HPS3: variants seen among roughly 807,000 people sequenced by gnomAD.
The protein encoded by HPS3 is BLOC-2 complex member HPS3.
Under a neutral mutation model 110.9 loss-of-function variants are expected in HPS3, and 79 were observed. The ratio of observed to expected loss-of-function variants is 0.71; its 90% CI spans 0.59 to 0.86. The LOEUF is 0.86. Ranked by LOEUF, HPS3 falls within the 40% of genes least tolerant of loss-of-function variation. The probability of loss-of-function intolerance (pLI) is 0.00; values close to 1 mark genes in which losing one functional copy is unlikely to be tolerated. For synonymous variants in HPS3, 428 were observed against 451.0 expected (o/e 0.95, Z 0.65); for missense variants, 1,197 against 1,206.2 (o/e 0.99, Z 0.11).
At chr3:149,132,935 G>C (rs890130029) in intron 1 of HPS3, among the ~76,000 whole-genome samples, 4 of 152,208 alleles carry the variant, frequency 2.6e-5, no homozygotes, top group Non-Finnish European at 4.4e-5. Context: ...AGTGGAAATA[G>C]CAAGAAAGCT....
chr3:149,149,951 G>A (rs1722999634), intron 5 of HPS3, among the ~76,000 whole-genome samples: 1 of 152,044 alleles, frequency 6.6e-6, no homozygotes, highest in Non-Finnish European at 1.5e-5. Context: ...GAGTGTGAGG[G>A]GTCAGGAGAC....
intron 5 of HPS3, 35 bp downstream of exon 5, chr3:149,145,581 C>G: frequency 6.4e-7 from 1 of 1,550,960 alleles, no homozygotes; most frequent in Non-Finnish European, 8.9e-7. Context: ...GCCTGTGAGT[C>G]ACTTATTTGT....
chr3:149,156,052 AAAG>A (rs1723435867), intron 8 of HPS3, among the ~76,000 whole-genome samples: 1 of 152,140 alleles, frequency 6.6e-6, no homozygotes, highest in Non-Finnish European at 1.5e-5. Context: ...CTTTTTTAAA[AAAG>A]AAGAATATTC....
chr3:149,163,190 G>A (rs1049156812), intron 13 of HPS3, among the ~76,000 whole-genome samples: 1 of 152,202 alleles, frequency 6.6e-6, no homozygotes, highest in Non-Finnish European at 1.5e-5. Flanking sequence ...TTCCTCAGCA[G>A]AGGATCATTA....
chr3:149,148,054 G>A (rs1476894409), intron 5 of HPS3, among the ~76,000 whole-genome samples: 1 of 152,010 alleles, frequency 6.6e-6, no homozygotes, highest in Non-Finnish European at 1.5e-5. Context: ...TGTATTTTTA[G>A]TAGAGATGGG....
intron 1 of HPS3, among the ~76,000 whole-genome samples, chr3:149,137,502 C>G (rs1169316246): frequency 6.6e-6 from 1 of 152,152 alleles, no homozygotes; most frequent in Non-Finnish European, 1.5e-5. Flanking sequence ...AAAGCAGGGA[C>G]TTGAATGGAT....
chr3:149,129,894 C>G lies in HPS3; in HGVS notation c.171C>G (p.Ala57=). The G allele has an allele frequency of 1.3e-6, 2 of 1,582,234 alleles. No individual in the cohort carries two copies. Among genetic ancestry groups the G allele is most frequent in the Non-Finnish European group, 1.7e-6 (2 of 1,170,268 alleles). The change falls in exon 1 of 17, where the codon GCC becomes GCG. Residue 57 remains alanine (A), a synonymous_variant. Transcript: ENST00000296051. ...AGQELCQPRC[A]FSTLGRVLRL... Reference sequence around the variant, plus strand: ...AGGAGCTGTGCCAGCCGCGGTGCGCCTTCTCCACGCTGGGCCGGGTGTTGC... The same window carrying G: ...AGGAGCTGTGCCAGCCGCGGTGCGCGTTCTCCACGCTGGGCCGGGTGTTGC...
intron 11 of HPS3, among the ~76,000 whole-genome samples, chr3:149,161,862 C>T (rs1053216164): frequency 1.3e-5 from 2 of 152,046 alleles, no homozygotes; most frequent in Non-Finnish European, 2.9e-5. Flanking sequence ...GTGGAACCCA[C>T]GAATACAGAA....
At chr3:149,130,249 C>A in intron 1 of HPS3, 1 of 481,166 alleles carries the variant, frequency 2.1e-6, no homozygotes, top group African/African-American at 2.0e-5. Flanking sequence ...CAAACAACAA[C>A]AAAAAACTCT....
chr3:149,153,145 G>C (rs2108151916), intron 6 of HPS3, among the ~76,000 whole-genome samples: 1 of 152,360 alleles, frequency 6.6e-6, no homozygotes, highest in Non-Finnish European at 1.5e-5. Flanking sequence ...GGGTGGCAGA[G>C]TACCAGCTTC....
chr3:149,147,021 G>A (rs1722818794), intron 5 of HPS3, among the ~76,000 whole-genome samples: 1 of 152,138 alleles, frequency 6.6e-6, no homozygotes, highest in Non-Finnish European at 1.5e-5. Flanking sequence ...TTAAGGGGCG[G>A]TATTCAGGCA....
intron 5 of HPS3, among the ~76,000 whole-genome samples, chr3:149,148,412 T>TTC (rs1455064346): frequency 1.4e-5 from 2 of 145,034 alleles, no homozygotes; most frequent in Non-Finnish European, 3.0e-5. Context: ...TTTTTTTTTT[T>TTC]TTTTTTTTGA....
intron 6 of HPS3, 73 bp downstream of exon 6, chr3:149,150,753 C>G: frequency 8.4e-7 from 1 of 1,193,526 alleles, no homozygotes; most frequent in Non-Finnish European, 1.3e-6. Flanking sequence ...TAGATTTGCT[C>G]TCAGACCTAA....
intron 1 of HPS3, 147 bp from the exon 2 acceptor site, chr3:149,139,857 C>A: frequency 1.4e-6 from 1 of 728,272 alleles, no homozygotes; most frequent in Admixed American, 3.0e-5. Flanking sequence ...CAAAAATACA[C>A]CTAAGATTTT....
At chr3:149,148,420 T>TTTA (rs71135665) in intron 5 of HPS3, among the ~76,000 whole-genome samples, 1 of 130,484 alleles carries the variant, frequency 7.7e-6, no homozygotes, top group African/African-American at 2.8e-5. Flanking sequence ...TTTTTTTTTT[T>TTTA]GAGATGGAGT....
chr3:149,130,095 T>A, intron 1 of HPS3, 155 bp downstream of exon 1: 1 of 703,630 alleles, frequency 1.4e-6, no homozygotes, highest in South Asian at 1.8e-5. Context: ...CGCTGATTGC[T>A]TGAAGTCGCA....
rs770934699 is a variant in HPS3 at position 149,141,259 on chromosome 3, A to G, written c.885-36A>G. 20 of 1,605,262 alleles carry G rather than the reference A, an allele frequency of 1.2e-5. No individual in the cohort carries two copies. In the African/African-American group the frequency reaches 1.4e-4, roughly 11 times the overall value. On this transcript the variant is annotated intron_variant, in intron 3 of 16. Transcript: ENST00000296051. The stretch of plus-strand genomic sequence containing the variant: ...TGCCTGCTTAAAGTACATGGAAGTT[A>G]TATTTTTCCCTTTCTCTGTCTTTTT...
In HPS3 at chr3:149,152,578, T is replaced by TA. The variant is rs1387753664; in HGVS notation, c.1246-915dup. 2.0e-5 allele frequency among the ~76,000 whole-genome samples: 3 copies of TA among 152,192 alleles called. No individual in the cohort carries two copies. The East Asian group carries it at 5.8e-4, about 29-fold the overall frequency. On this transcript the variant is annotated intron_variant, in intron 6 of 16. Transcript: ENST00000296051. ...GGTGCCAGTTAAACAAGCACACGTT[T>TA]AGCCCACCTGCTGACTCAGGCTTTG...
Position 149,162,334 on chromosome 3 carries a change from G to A in HPS3, c.2292+1G>A, listed in dbSNP as rs755724489. On this transcript the variant is annotated splice_donor_variant, in intron 12 of 16. Transcript: ENST00000296051. LOFTEE classifies it high-confidence loss of function. Reference sequence around the variant, plus strand: ...TGAAGAAGCAGATTCCTTTTTTAAGGTTTGTCACTTTGAAAATGTGATTTT... The same window carrying A: ...TGAAGAAGCAGATTCCTTTTTTAAGATTTGTCACTTTGAAAATGTGATTTT... 5.0e-6 allele frequency: 8 copies of A among 1,613,560 alleles called. No homozygotes were observed. Among genetic ancestry groups the A allele is most frequent in the Non-Finnish European group, 5.9e-6 (7 of 1,179,686 alleles).
Sources: gnomAD v4.1 joint callset for allele counts (sites outside exome capture counted in the v4.1 genomes callset) on GRCh38, gnomAD v4.1.1 for gene constraint, MANE v1.5 for transcripts, NCBI Gene and HGNC (gene_info 2026-07-23, HGNC 2026-07-21) for gene names.